TESK2: variants seen among roughly 807,000 people sequenced by gnomAD.
The protein encoded by TESK2 is dual specificity testis-specific protein kinase 2.
A neutral mutation model predicts 57.1 loss-of-function variants in TESK2; 39 were observed. That is an observed-to-expected ratio of 0.68 (90% CI 0.53 to 0.89). The LOEUF (loss-of-function observed/expected upper bound fraction) is 0.89, where lower values mean the gene tolerates loss of function less well. Among genes scored for constraint, TESK2 ranks in the 40% least tolerant of loss-of-function variants. The pLI, the probability that TESK2 is intolerant of heterozygous loss-of-function variation, is 0.00. For missense variants in TESK2, 646 were observed against 732.1 expected (o/e 0.88, Z 1.36); for synonymous variants, 249 against 267.9 (o/e 0.93, Z 0.69).
At chr1:45,387,777 C>T (rs1364037875) in intron 3 of TESK2, among the ~76,000 whole-genome samples, 5 of 152,102 alleles carry the variant, frequency 3.3e-5, no homozygotes, top group Non-Finnish European at 7.4e-5. Context: ...GAGGCCAAGG[C>T]GGGTGGATCA....
At chr1:45,423,828 C>T (rs1557567812) in intron 2 of TESK2, among the ~76,000 whole-genome samples, 1 of 152,172 alleles carries the variant, frequency 6.6e-6, no homozygotes, top group Non-Finnish European at 1.5e-5. Context: ...TTTCAATGCA[C>T]ACTCCACAGG....
intron 1 of TESK2, among the ~76,000 whole-genome samples, chr1:45,459,162 G>A (rs986505135): frequency 6.6e-6 from 1 of 152,194 alleles, no homozygotes; most frequent in African/African-American, 2.4e-5. Flanking sequence ...TGTGCAATTG[G>A]AATTAAATAG....
At chr1:45,427,234 CAAAAAAAAAA>C (rs111269135) in intron 2 of TESK2, among the ~76,000 whole-genome samples, 26 of 129,498 alleles carry the variant, frequency 2.0e-4, no homozygotes, top group African/African-American at 7.6e-4. Context: ...GACTCTGTCT[CAAAAAAAAAA>C]AAAAAAAAAA....
intron 3 of TESK2, among the ~76,000 whole-genome samples, chr1:45,394,965 C>T (rs1336957642): frequency 6.6e-6 from 1 of 151,964 alleles, no homozygotes; most frequent in African/African-American, 2.4e-5. Flanking sequence ...GCTGGGATTA[C>T]AGGCATTAGC....
intron 4 of TESK2, among the ~76,000 whole-genome samples, chr1:45,371,672 G>A (rs1648189287): frequency 6.6e-6 from 1 of 151,700 alleles, no homozygotes; most frequent in South Asian, 2.1e-4. Flanking sequence ...AGACCAGCCT[G>A]GGCAACATGG....
At chr1:45,453,218 G>A (rs563322429) in intron 2 of TESK2, among the ~76,000 whole-genome samples, 1 of 151,358 alleles carries the variant, frequency 6.6e-6, no homozygotes, top group South Asian at 2.1e-4. Context: ...ATGATGCTGT[G>A]TGTCTGTAGT....
intron 3 of TESK2, among the ~76,000 whole-genome samples, chr1:45,403,673 T>G (rs1649722993): frequency 6.6e-6 from 1 of 152,076 alleles, no homozygotes; most frequent in Non-Finnish European, 1.5e-5. Context: ...TTTTTTGGGG[T>G]AAAGCAATAC....
At chr1:45,357,874 G>A (rs928578153) in intron 4 of TESK2, among the ~76,000 whole-genome samples, 2 of 151,830 alleles carry the variant, frequency 1.3e-5, no homozygotes, top group African/African-American at 2.4e-5. Flanking sequence ...GCATGGTGGC[G>A]CATGCGTGTA....
chr1:45,424,722 C>T (rs1650618675), intron 2 of TESK2, among the ~76,000 whole-genome samples: 1 of 152,124 alleles, frequency 6.6e-6, no homozygotes, highest in South Asian at 2.1e-4. Flanking sequence ...TTCATCCTGA[C>T]CAACCGGGAT....
chr1:45,439,538 C>T (rs891725682), intron 2 of TESK2, among the ~76,000 whole-genome samples: 1 of 152,124 alleles, frequency 6.6e-6, no homozygotes, highest in Non-Finnish European at 1.5e-5. Context: ...ATGCTTTACG[C>T]ATAATAGTTC....
chr1:45,380,230 G>A (rs1441721887), intron 4 of TESK2, among the ~76,000 whole-genome samples: 1 of 152,174 alleles, frequency 6.6e-6, no homozygotes, highest in Non-Finnish European at 1.5e-5. Flanking sequence ...GAAAAGGCAA[G>A]AGAGACCCCC....
At chr1:45,367,065 C>T (rs548631679) in intron 4 of TESK2, among the ~76,000 whole-genome samples, 1 of 152,190 alleles carries the variant, frequency 6.6e-6, no homozygotes, top group Non-Finnish European at 1.5e-5. Flanking sequence ...GCTGAGGAGG[C>T]AGAGGCTGCA....
rs1021515709 is a variant in TESK2 at position 45,413,637 on chromosome 1, C to A, written c.344+8088G>T. On this transcript the variant is annotated intron_variant, in intron 3 of 10. Transcript: ENST00000372086. ...CTCTCTCTTTCTTTTAAGCAAGAGACCTTTTCTTCAAAACTCTTATACAGA... is the reference window on the plus strand; with the variant it reads ...CTCTCTCTTTCTTTTAAGCAAGAGAACTTTTCTTCAAAACTCTTATACAGA... Among the ~76,000 whole-genome samples the A allele has an allele frequency of 4.6e-5, 7 of 151,650 alleles. No individual in the cohort carries two copies. In the East Asian group the frequency reaches 1.2e-3, roughly 25 times the overall value.
chr1:45,348,088 A>G, intron 5 of TESK2, 88 bp from the exon 6 acceptor site: 2 of 887,502 alleles, frequency 2.3e-6, no homozygotes, highest in Non-Finnish European at 3.8e-6. Flanking sequence ...CCTTCCTATC[A>G]CAGGGCACCT....
intron 3 of TESK2, among the ~76,000 whole-genome samples, chr1:45,411,711 A>C (rs1054279580): frequency 6.6e-6 from 1 of 152,150 alleles, no homozygotes; most frequent in Non-Finnish European, 1.5e-5. Context: ...AATTGTCCAT[A>C]AAAACTCTAA....
At chr1:45,388,074 A>C (rs560655692) in intron 3 of TESK2, among the ~76,000 whole-genome samples, 18 of 152,178 alleles carry the variant, frequency 1.2e-4, no homozygotes, top group Admixed American at 3.9e-4. Context: ...TTTTCTCTAA[A>C]TGTTCATACA....
intron 3 of TESK2, among the ~76,000 whole-genome samples, chr1:45,404,731 C>T (rs1184893190): frequency 2.6e-5 from 4 of 151,698 alleles, no homozygotes; most frequent in African/African-American, 7.3e-5. Flanking sequence ...TTATTAGAGA[C>T]GGGGTTTCAC....
At chr1:45,383,697 G>T (rs1007077350) in intron 4 of TESK2, among the ~76,000 whole-genome samples, 30 of 152,152 alleles carry the variant, frequency 2.0e-4, no homozygotes, top group African/African-American at 7.2e-4. Context: ...ACATTTCAGA[G>T]AACAATCACA....
rs573324095 is a variant in TESK2, at chr1:45,374,614, G to A, written c.393+11298C>T. Reference sequence around the variant, plus strand: ...TTGTTACTCAGGAGATAATACAGCAGTTGAAAAATGCCTCCTTCCAAATCA... The same window carrying A: ...TTGTTACTCAGGAGATAATACAGCAATTGAAAAATGCCTCCTTCCAAATCA... On this transcript the variant is annotated intron_variant, in intron 4 of 10. Transcript: ENST00000372086. Among the ~76,000 whole-genome samples the A allele has an allele frequency of 6.6e-5, 10 of 152,264 alleles. No homozygotes were observed. The South Asian group carries it at 1.0e-3, about 16-fold the overall frequency.
Sources: gnomAD v4.1 joint callset for allele counts (sites outside exome capture counted in the v4.1 genomes callset) on GRCh38, gnomAD v4.1.1 for gene constraint, MANE v1.5 for transcripts, NCBI Gene and HGNC (gene_info 2026-07-23, HGNC 2026-07-21) for gene names.